VPS13B: variants seen among roughly 807,000 people sequenced by gnomAD.
VPS13B encodes the protein vacuolar protein sorting 13 homolog B, also known as intermembrane lipid transfer protein VPS13B.
A neutral mutation model predicts 426.4 loss-of-function variants in VPS13B; 285 were observed. That is an observed-to-expected ratio of 0.67 (90% confidence interval 0.61 to 0.74). The LOEUF is 0.74. VPS13B is among the 30% of genes least tolerant of loss of function. VPS13B has a pLI of 0.00. For missense variants in VPS13B, 4,537 were observed against 4,782.6 expected (o/e 0.95, Z 1.51); for synonymous variants, 1,676 against 1,676.4 (o/e 1.00, Z 0.01).
intron 43 of VPS13B, among the ~76,000 whole-genome samples, chr8:99,800,398 A>G (rs1015296462): frequency 4.1e-4 from 62 of 152,314 alleles, no homozygotes; most frequent in African/African-American, 1.2e-3. Context: ...ATAGATATGT[A>G]TAATGTTGAA....
chr8:99,517,822 T>C (rs892069722), intron 29 of VPS13B, among the ~76,000 whole-genome samples: 1 of 151,896 alleles, frequency 6.6e-6, no homozygotes, highest in East Asian at 1.9e-4. Flanking sequence ...TAAATACAGG[T>C]GAAATAACCC....
intron 24 of VPS13B, among the ~76,000 whole-genome samples, chr8:99,478,486 T>C (rs1404308978): frequency 1.0e-3 from 152 of 148,342 alleles, no homozygotes; most frequent in South Asian, 1.1e-3. Flanking sequence ...TTTTTTTTTT[T>C]GCCGAGGCAG....
chr8:99,187,626 C>T (rs1346801608), intron 16 of VPS13B, among the ~76,000 whole-genome samples: 2 of 152,094 alleles, frequency 1.3e-5, no homozygotes, highest in East Asian at 3.9e-4. Context: ...GGGATAGTGG[C>T]TTTCTTATTG....
chr8:99,509,362 G>A (rs953861422), intron 28 of VPS13B, among the ~76,000 whole-genome samples: 2 of 151,890 alleles, frequency 1.3e-5, no homozygotes, highest in Non-Finnish European at 2.9e-5. Context: ...GCTATTATTG[G>A]GAAAGATGAT....
intron 19 of VPS13B, among the ~76,000 whole-genome samples, chr8:99,322,739 T>G (rs1266887297): frequency 1.3e-5 from 2 of 152,218 alleles, no homozygotes; most frequent in Non-Finnish European, 2.9e-5. Context: ...TTCTGTTTTG[T>G]ATCTGCATTT....
At chr8:99,079,993 AATGT>A (rs562032481) in intron 3 of VPS13B, among the ~76,000 whole-genome samples, 236 of 150,806 alleles carry the variant, frequency 1.6e-3, no homozygotes, top group African/African-American at 5.3e-3. Flanking sequence ...TTTTCTTAAT[AATGT>A]ATCATATTAT....
intron 52 of VPS13B, among the ~76,000 whole-genome samples, chr8:99,833,707 T>A (rs1240441120): frequency 1.3e-5 from 2 of 152,150 alleles, no homozygotes; most frequent in Non-Finnish European, 2.9e-5. Context: ...AAACATTTTT[T>A]AAAAAACAAA....
At chr8:99,016,501 GCTAT>G (rs1190095283) in intron 2 of VPS13B, among the ~76,000 whole-genome samples, 1 of 135,146 alleles carries the variant, frequency 7.4e-6, no homozygotes, top group African/African-American at 2.8e-5. Context: ...TGGCCATTTA[GCTAT>G]CTTTTTTTTT....
chr8:99,207,341 G>A (rs1271596337), intron 17 of VPS13B, among the ~76,000 whole-genome samples: 1 of 152,108 alleles, frequency 6.6e-6, no homozygotes, highest in Admixed American at 6.6e-5. Flanking sequence ...TAGGAATAAA[G>A]GGGTTAAAGA....
chr8:99,867,406 C>A (rs1038958030), intron 58 of VPS13B, among the ~76,000 whole-genome samples: 2 of 152,190 alleles, frequency 1.3e-5, no homozygotes, highest in Admixed American at 6.5e-5. Context: ...CCCTGTGCTA[C>A]AGCTGTGGGA....
At chr8:99,390,105 T>TG (rs1278675897) in intron 20 of VPS13B, among the ~76,000 whole-genome samples, 1 of 151,902 alleles carries the variant, frequency 6.6e-6, no homozygotes, top group Non-Finnish European at 1.5e-5. Flanking sequence ...TTTAAATTTT[T>TG]TTTTTTTTTT....
chr8:99,728,307 C>T (rs1307570115), intron 39 of VPS13B, among the ~76,000 whole-genome samples: 95 of 152,138 alleles, frequency 6.2e-4, no homozygotes, highest in Non-Finnish European at 1.2e-4. Context: ...GTTGGCCTTT[C>T]CCTGATGACA....
At chr8:99,339,301 T>C (rs1331906383) in intron 19 of VPS13B, among the ~76,000 whole-genome samples, 2 of 151,988 alleles carry the variant, frequency 1.3e-5, no homozygotes, top group African/African-American at 4.8e-5. Flanking sequence ...CAGTAGGCTG[T>C]ACAGGAACGT....
intron 34 of VPS13B, among the ~76,000 whole-genome samples, chr8:99,649,359 G>A (rs1047784816): frequency 2.6e-5 from 4 of 151,880 alleles, no homozygotes; most frequent in African/African-American, 7.3e-5. Context: ...TGGAATTCAA[G>A]TGTTAAGCTT....
At chr8:99,429,288 A>G (rs948761990) in intron 21 of VPS13B, among the ~76,000 whole-genome samples, 47 of 151,770 alleles carry the variant, frequency 3.1e-4, no homozygotes, top group African/African-American at 1.1e-3. Flanking sequence ...AATAACCAAA[A>G]AAAAAAAAAA....
In VPS13B at chr8:99,501,670, T is replaced by C. The variant is rs771426507; in HGVS notation, c.3871-17T>C. The C allele has an allele frequency of 6.2e-7, 1 of 1,612,742 alleles. No homozygotes were observed. The highest frequency in any genetic ancestry group is 2.2e-5 in the East Asian group (1 of 44,856). ...GTTTATGTTACAAAGTAAGATTTTT[T>C]TTTCTCCTCATCCCAGGGAGATTCT... On this transcript the variant is annotated splice_polypyrimidine_tract_variant and intron_variant, in intron 25 of 61. Transcript: ENST00000357162.
chr8:99,265,022 G>A (rs562858770), intron 17 of VPS13B, among the ~76,000 whole-genome samples: 53 of 151,858 alleles, frequency 3.5e-4, no homozygotes, highest in African/African-American at 1.2e-3. Flanking sequence ...TAATTTCTAT[G>A]TGCTTGTTTT....
intron 12 of VPS13B, among the ~76,000 whole-genome samples, chr8:99,140,477 A>G (rs554735901): frequency 6.6e-6 from 1 of 152,010 alleles, no homozygotes; most frequent in African/African-American, 2.4e-5. Context: ...ACATTATACT[A>G]TGGCATATAA....
At chr8:99,697,042 G>C (rs1263491646) in intron 35 of VPS13B, 3 of 560,200 alleles carry the variant, frequency 5.4e-6, no homozygotes, top group Non-Finnish European at 9.9e-6. Flanking sequence ...GTCTGGACCT[G>C]CACCTGCATC....
Sources: gnomAD v4.1 joint callset for allele counts (sites outside exome capture counted in the v4.1 genomes callset) on GRCh38, gnomAD v4.1.1 for gene constraint, MANE v1.5 for transcripts, NCBI Gene and HGNC (gene_info 2026-07-23, HGNC 2026-07-21) for gene names.